DCAF6: variants seen among roughly 807,000 people sequenced by gnomAD.
DCAF6 encodes DDB1- and CUL4-associated factor 6.
Under a neutral mutation model 125.1 loss-of-function variants are expected in DCAF6, and 54 were observed. The observed-to-expected ratio is 0.43, with a 90% CI of 0.35 to 0.54. DCAF6 has a LOEUF of 0.54. Ranked by LOEUF, DCAF6 falls within the 20% of genes least tolerant of loss-of-function variation. The pLI, the probability that DCAF6 is intolerant of heterozygous loss-of-function variation, is 0.01. For synonymous variants in DCAF6, 371 were observed against 390.4 expected, an observed-to-expected ratio of 0.95 and a Z score of 0.58; for missense variants, 934 against 1,161.7, an observed-to-expected ratio of 0.80 and a Z score of 2.85.
At position 167,984,374 on chromosome 1, in the gene DCAF6, G is replaced by C. The variant is rs115720978; in HGVS notation, c.439-3121G>C. On this transcript the variant is annotated intron_variant, in intron 4 of 21. Transcript: ENST00000367840. Reference sequence around the variant, plus strand: ...ATAAAGGCATTAATTATAAGAAATAGATACATGTTTTAATAATTTAATTTT... The same window carrying C: ...ATAAAGGCATTAATTATAAGAAATACATACATGTTTTAATAATTTAATTTT... 2.2e-3 allele frequency among the ~76,000 whole-genome samples: 338 copies of C among 152,236 alleles called. 2 individuals carry two copies. The highest frequency in any genetic ancestry group is 4.1e-3 in the Non-Finnish European group (279 of 68,010).
chr1:167,925,168 A>T, the DCAF6 span, among the ~76,000 whole-genome samples: 1 of 152,000 alleles, frequency 6.6e-6, no homozygotes, highest in Admixed American at 6.6e-5. Context: ...TCTTACAGCA[A>T]AATTCATTAA....
At chr1:167,982,134 G>A (rs191626942) in intron 4 of DCAF6, among the ~76,000 whole-genome samples, 5 of 152,312 alleles carry the variant, frequency 3.3e-5, no homozygotes, top group Admixed American at 2.6e-4. Flanking sequence ...TGGATGTGGA[G>A]CATTTTATTT....
At chr1:168,067,276 T>C (rs924498783) in intron 20 of DCAF6, among the ~76,000 whole-genome samples, 1 of 152,178 alleles carries the variant, frequency 6.6e-6, no homozygotes, top group Non-Finnish European at 1.5e-5. Flanking sequence ...GTATACATAA[T>C]GCTGGGTGTA....
chr1:168,048,445 A>G (rs897143340), intron 16 of DCAF6, among the ~76,000 whole-genome samples: 5 of 152,228 alleles, frequency 3.3e-5, no homozygotes, highest in Non-Finnish European at 1.5e-5. Context: ...TAGCTAAGTC[A>G]TTTCTGACAA....
At chr1:167,866,843 G>C in the DCAF6 span, among the ~76,000 whole-genome samples, 1 of 151,974 alleles carries the variant, frequency 6.6e-6, no homozygotes, top group Admixed American at 6.5e-5. Context: ...AAGGCCAGTG[G>C]CCTATCTCTC....
chr1:167,906,506 T>A, the DCAF6 span, among the ~76,000 whole-genome samples: 1 of 151,740 alleles, frequency 6.6e-6, no homozygotes, highest in East Asian at 1.9e-4. Context: ...GGGTGTGAGA[T>A]GCTAGATGCA....
Position 168,063,848 on chromosome 1 carries a change from A to G in DCAF6, c.2439+89A>G, listed in dbSNP as rs181446375. The stretch of plus-strand genomic sequence containing the variant: ...AATGATTTATCTTCATATATTGCCA[A>G]TGGGATTTCAGTATTACATTATTAA... On this transcript the variant is annotated intron_variant, in intron 18 of 21. Transcript: ENST00000367840. 3.8e-3 allele frequency: 4,837 copies of G among 1,288,248 alleles called. 17 individuals are homozygous for G. Among genetic ancestry groups the G allele is most frequent in the Non-Finnish European group, 4.3e-3 (4,022 of 925,196 alleles). The allele number at this position is 1,288,248 out of a possible 1,614,324, so 79.8% of individuals were successfully genotyped here. A position where few individuals can be genotyped will look rare whatever the true frequency, so the allele number is the denominator to read the frequency against.
chr1:167,911,161 G>A, the DCAF6 span, among the ~76,000 whole-genome samples: 1 of 152,146 alleles, frequency 6.6e-6, no homozygotes, highest in Non-Finnish European at 1.5e-5. Flanking sequence ...GTTCAAACTG[G>A]GCAGTTTTAG....
upstream of DCAF6, among the ~76,000 whole-genome samples, chr1:167,934,271 A>G (rs550535280): frequency 6.6e-6 from 1 of 152,324 alleles, no homozygotes; most frequent in East Asian, 1.9e-4. Flanking sequence ...TAAGTAGTTT[A>G]AAATTACTCT....
At chr1:167,959,265 T>A (rs573280934) in intron 2 of DCAF6, among the ~76,000 whole-genome samples, 18 of 152,382 alleles carry the variant, frequency 1.2e-4, no homozygotes, top group Non-Finnish European at 2.5e-4. Context: ...TACCACAGTT[T>A]GTCCATTCAC....
chr1:167,986,929 G>T (rs202260), intron 4 of DCAF6, among the ~76,000 whole-genome samples: 66,591 of 151,976 alleles, frequency 0.44, 16,151 homozygotes, highest in African/African-American at 0.65. Context: ...AGGTTTTTAT[G>T]GTAGTAAAAT....
intron 1 of DCAF6, among the ~76,000 whole-genome samples, chr1:167,937,729 T>C (rs952564465): frequency 1.3e-5 from 2 of 152,006 alleles, no homozygotes; most frequent in Admixed American, 6.5e-5. Flanking sequence ...TATTCCACTT[T>C]TTTCGTTTTG....
At chr1:167,871,551 G>T in the DCAF6 span, among the ~76,000 whole-genome samples, 1 of 152,176 alleles carries the variant, frequency 6.6e-6, no homozygotes, top group East Asian at 1.9e-4. Flanking sequence ...TAATTTCTAA[G>T]CAGTGAGCAA....
rs140122746 is a variant in DCAF6 at position 168,013,895 on chromosome 1, A to G, written c.1379-1886A>G. 2.1e-3 allele frequency among the ~76,000 whole-genome samples: 317 copies of G among 152,092 alleles called. 2 individuals are homozygous for G. Among genetic ancestry groups the G allele is most frequent in the African/African-American group, 7.1e-3 (296 of 41,454 alleles). ...CGAGGGGCCACAAGTGTGCATCACC[A>G]TGCCTGGCTAATTTTGATTTTTTGT... On this transcript the variant is annotated intron_variant, in intron 10 of 21. Coordinates refer to ENST00000367840, the MANE Select transcript of DCAF6 (RefSeq NM_001198956.2).
chr1:167,875,054 AGTTATCATTGAT>A, the DCAF6 span: 1 of 1,142,932 alleles, frequency 8.7e-7, no homozygotes, highest in Non-Finnish European at 1.3e-6. Flanking sequence ...TAAGCTGCAC[AGTTATCATTGAT>A]GTACTTTTCT....
intron 12 of DCAF6, among the ~76,000 whole-genome samples, chr1:168,032,587 T>A (rs1181938836): frequency 5.3e-5 from 8 of 152,218 alleles, no homozygotes; most frequent in Non-Finnish European, 1.2e-4. Flanking sequence ...TATTTCACCA[T>A]ATGTTTTATT....
At chr1:167,927,163 G>T in the DCAF6 span, among the ~76,000 whole-genome samples, 1 of 152,298 alleles carries the variant, frequency 6.6e-6, no homozygotes, top group African/African-American at 2.4e-5. Context: ...CCTCGACACT[G>T]CTTCATCCTC....
intron 1 of DCAF6, 87 bp downstream of exon 1, chr1:167,937,095 C>A: frequency 8.2e-7 from 1 of 1,213,866 alleles, no homozygotes; most frequent in Non-Finnish European, 1.2e-6. Flanking sequence ...GGAGGTGGGA[C>A]GGCGTCTCGG....
At chr1:168,010,903 G>A (rs990629546) in intron 10 of DCAF6, among the ~76,000 whole-genome samples, 6 of 151,870 alleles carry the variant, frequency 4.0e-5, no homozygotes, top group Non-Finnish European at 5.9e-5. Flanking sequence ...ATTAAATGAG[G>A]CATTTTTCCA....
Sources: allele counts gnomAD v4.1 joint callset (sites outside exome capture counted in the v4.1 genomes callset), GRCh38; gene constraint gnomAD v4.1.1; transcripts MANE v1.5; gene names NCBI Gene and HGNC (gene_info 2026-07-23, HGNC 2026-07-21).